Variants in WWOX observed in about 807,000 individuals in gnomAD.
The protein encoded by WWOX is WW domain containing oxidoreductase.
In WWOX, 69 loss-of-function variants were observed where a neutral mutation model predicts 46.2. That is an observed-to-expected ratio of 1.49 (90% CI 1.23 to 1.82). The LOEUF (loss-of-function observed/expected upper bound fraction) is 1.82. WWOX is among the 40% of genes most tolerant of loss of function. The pLI, the probability that WWOX is intolerant of heterozygous loss-of-function variation, is 0.00. For synonymous variants in WWOX, 359 were observed against 202.6 expected (o/e 1.77, Z -6.56); for missense variants, 919 against 542.6 (o/e 1.69, Z -6.89).
intron 8 of WWOX, chr16:79,203,419 T>C (rs984719562): frequency 1.3e-5 from 2 of 152,004 alleles, no homozygotes; most frequent in Admixed American, 1.3e-4. Flanking sequence ...GCAAAGTACA[T>C]CCTCTTAATT....
At chr16:78,993,419 T>G (rs1366685979) in intron 8 of WWOX, among the ~76,000 whole-genome samples, 1 of 152,168 alleles carries the variant, frequency 6.6e-6, no homozygotes, top group Non-Finnish European at 1.5e-5. Context: ...GCCTCGCCTC[T>G]CCTCTCGGAC....
At chr16:78,679,049 G>GT (rs1277430325) in intron 8 of WWOX, among the ~76,000 whole-genome samples, 1 of 152,208 alleles carries the variant, frequency 6.6e-6, no homozygotes, top group African/African-American at 2.4e-5. Flanking sequence ...TGCCAAGCCT[G>GT]TTTCTAGAAT....
At chr16:78,106,817 C>T (rs895855168) in intron 1 of WWOX, among the ~76,000 whole-genome samples, 2 of 152,120 alleles carry the variant, frequency 1.3e-5, no homozygotes, top group South Asian at 2.1e-4. Flanking sequence ...AGGTTTTAAT[C>T]GTTCTCCAAG....
At chr16:78,159,897 T>G (rs2034734122) in intron 4 of WWOX, among the ~76,000 whole-genome samples, 1 of 152,052 alleles carries the variant, frequency 6.6e-6, no homozygotes, top group African/African-American at 2.4e-5. Flanking sequence ...TGGCATAATG[T>G]TGTCCTTTTA....
chr16:78,774,966 A>T (rs2050153747), intron 8 of WWOX, among the ~76,000 whole-genome samples: 1 of 152,148 alleles, frequency 6.6e-6, no homozygotes, highest in Non-Finnish European at 1.5e-5. Context: ...TTTGTGGTGT[A>T]TGCTCGAAGA....
chr16:79,199,054 C>T (rs927521322), intron 8 of WWOX, among the ~76,000 whole-genome samples: 23 of 151,974 alleles, frequency 1.5e-4, no homozygotes, highest in Admixed American at 1.1e-3. Flanking sequence ...CTTCAGTCCC[C>T]GGTGTTTTTA....
chr16:78,497,957 C>G (rs948098059), intron 8 of WWOX, among the ~76,000 whole-genome samples: 2 of 151,940 alleles, frequency 1.3e-5, no homozygotes, highest in South Asian at 4.1e-4. Flanking sequence ...AATGACAGCA[C>G]TTTGGGAGGC....
In WWOX at chr16:78,519,587, C is replaced by T. The variant is rs146894208; in HGVS notation, c.1056+86835C>T. Reference sequence around the variant, plus strand: ...AAAGTTTGCATCCCCCCAAAATTCACAGGTTAAAATCCTAATCCTCAAGGT... The same window carrying T: ...AAAGTTTGCATCCCCCCAAAATTCATAGGTTAAAATCCTAATCCTCAAGGT... On this transcript the variant is annotated intron_variant, in intron 8 of 8. Transcript: ENST00000566780. 3.0e-4 allele frequency among the ~76,000 whole-genome samples: 45 copies of T among 152,184 alleles called. 1 individual carries two copies. In the East Asian group the frequency reaches 8.5e-3, roughly 29 times the overall value.
chr16:78,592,987 C>T (rs1400773643), intron 8 of WWOX, among the ~76,000 whole-genome samples: 3 of 152,144 alleles, frequency 2.0e-5, no homozygotes, highest in African/African-American at 7.2e-5. Flanking sequence ...GATTTAGTTG[C>T]TTGAGCACAG....
At chr16:78,628,465 GAT>G (rs1179664483) in intron 8 of WWOX, among the ~76,000 whole-genome samples, 1 of 152,160 alleles carries the variant, frequency 6.6e-6, no homozygotes, top group Non-Finnish European at 1.5e-5. Flanking sequence ...AAGGGGACCT[GAT>G]ATATACATGG....
chr16:79,178,510 T>A (rs1400862893), intron 8 of WWOX, among the ~76,000 whole-genome samples: 4 of 152,124 alleles, frequency 2.6e-5, no homozygotes, highest in African/African-American at 9.7e-5. Context: ...AGAGACAAGG[T>A]CTCACTGTGT....
chr16:78,567,148 G>C (rs932826560), intron 8 of WWOX, among the ~76,000 whole-genome samples: 1 of 152,180 alleles, frequency 6.6e-6, no homozygotes, highest in South Asian at 2.1e-4. Context: ...CCCAACCCTG[G>C]TGAAGGGCGT....
intron 8 of WWOX, among the ~76,000 whole-genome samples, chr16:78,948,832 G>T (rs968248148): frequency 5.9e-5 from 9 of 152,078 alleles, no homozygotes; most frequent in African/African-American, 1.9e-4. Context: ...GAATAGGAAG[G>T]TTATCCTGGG....
intron 8 of WWOX, among the ~76,000 whole-genome samples, chr16:78,966,767 G>T (rs2046369920): frequency 6.6e-6 from 1 of 152,126 alleles, no homozygotes; most frequent in Non-Finnish European, 1.5e-5. Flanking sequence ...TGAAAATGGA[G>T]GTCTGGATTC....
chr16:78,159,277 A>G (rs2034706062), intron 4 of WWOX, among the ~76,000 whole-genome samples: 1 of 152,144 alleles, frequency 6.6e-6, no homozygotes, highest in East Asian at 1.9e-4. Context: ...GAGAGGGCAG[A>G]CATATTGTTG....
chr16:78,809,247 T>C (rs532901853), intron 8 of WWOX, among the ~76,000 whole-genome samples: 5 of 149,918 alleles, frequency 3.3e-5, no homozygotes, highest in Non-Finnish European at 5.9e-5. Context: ...CTGAGCAGAA[T>C]GTTTTTAGAA....
chr16:78,821,083 G>C (rs1227245119), intron 8 of WWOX, among the ~76,000 whole-genome samples: 8 of 152,124 alleles, frequency 5.3e-5, no homozygotes, highest in Admixed American at 4.6e-4. Flanking sequence ...GGTTCTGAGT[G>C]AACATGTTTC....
chr16:79,025,569 G>T (rs969084158), intron 8 of WWOX, among the ~76,000 whole-genome samples: 1 of 152,040 alleles, frequency 6.6e-6, no homozygotes, highest in South Asian at 2.1e-4. Flanking sequence ...TACCAGGAGA[G>T]GGGCACAAAT....
chr16:78,225,384 C>T (rs4888765), intron 5 of WWOX, among the ~76,000 whole-genome samples: 14,582 of 152,180 alleles, frequency 0.096, 827 homozygotes, highest in Admixed American at 0.17. Flanking sequence ...ACTATGTTTT[C>T]TCATGACCTC....
Sources: gnomAD v4.1 joint callset for allele counts (sites outside exome capture counted in the v4.1 genomes callset) on GRCh38, gnomAD v4.1.1 for gene constraint, MANE v1.5 for transcripts, NCBI Gene and HGNC (gene_info 2026-07-23, HGNC 2026-07-21) for gene names.